Variants in PHF21A observed in about 807,000 individuals in gnomAD.
The protein encoded by PHF21A is PHD finger protein 21A, also known as BHC80a.
In PHF21A, 11 loss-of-function variants were observed where a neutral mutation model predicts 82.5. The observed-to-expected ratio is 0.13, with a 90% CI of 0.08 to 0.22. PHF21A has a LOEUF of 0.22. PHF21A is among the 10% of genes least tolerant of loss of function. PHF21A has a pLI of 1.00. For synonymous variants in PHF21A, 297 were observed against 302.8 expected (o/e 0.98, Z 0.20); for missense variants, 579 against 837.8 (o/e 0.69, Z 3.81).
chr11:45,945,974 C>T lies in PHF21A; in HGVS notation c.1318G>A (p.Gly440Arg), dbSNP rs1380439265. 5 of 1,613,640 alleles carry T rather than the reference C, an allele frequency of 3.1e-6. No individual in the cohort carries two copies. Among genetic ancestry groups the T allele is most frequent in the Non-Finnish European group, 4.2e-6 (5 of 1,179,872 alleles). Residue 440 changes from glycine to arginine, a missense_variant, in exon 15 of 19, where the codon GGG becomes AGG. Around this residue, in one of 3 missense-constraint regions of PHF21A, gnomAD observed 410 missense variants for 642.1 expected, o/e 0.64. Transcript: ENST00000676320. ...GATGTTGGGGTAAGGGCTCCAAACC[C>T]CAGCACTGCATTGTATTTTGGAGGA... The part of the protein sequence containing the change: ...GRPPKYNAVL[G>R]FGALTPTSPQ...
At chr11:46,035,935 AC>A (rs2095992640) in intron 6 of PHF21A, among the ~76,000 whole-genome samples, 1 of 152,204 alleles carries the variant, frequency 6.6e-6, no homozygotes, top group African/African-American at 2.4e-5. Context: ...GTTTTAAGCA[AC>A]CATTTAAATT....
At chr11:46,040,927 ACACACACG>A (rs755359839) in intron 6 of PHF21A, among the ~76,000 whole-genome samples, 21 of 123,036 alleles carry the variant, frequency 1.7e-4, no homozygotes, top group African/African-American at 4.7e-4. Flanking sequence ...ACACACACAC[ACACACACG>A]CACGCACAAT....
At chr11:46,100,593 C>A (rs1470104864) in intron 1 of PHF21A, among the ~76,000 whole-genome samples, 1 of 152,164 alleles carries the variant, frequency 6.6e-6, no homozygotes, top group African/African-American at 2.4e-5. Context: ...ATACTCCTTG[C>A]ACTAAATGAT....
intron 1 of PHF21A, chr11:46,117,384 T>C (rs1013060614): frequency 6.6e-6 from 1 of 152,224 alleles, no homozygotes; most frequent in African/African-American, 2.4e-5. Flanking sequence ...AGTAGCTATA[T>C]TCATCTTTAT....
chr11:46,076,992 C>A (rs1414726324), intron 5 of PHF21A, among the ~76,000 whole-genome samples, 173 bp from the exon 6 acceptor site: 3 of 152,220 alleles, frequency 2.0e-5, no homozygotes, highest in African/African-American at 7.2e-5. Context: ...ATGCACAGAT[C>A]CTAAATACAG....
At chr11:45,949,532 A>G (rs1565208885) in intron 12 of PHF21A, 51 bp from the exon 13 acceptor site, 1 of 1,413,834 alleles carries the variant, frequency 7.1e-7, no homozygotes, top group East Asian at 2.3e-5. Flanking sequence ...AGAACCTAAA[A>G]AACTTAACTT....
chr11:46,003,579 C>T (rs1329824739), intron 6 of PHF21A, among the ~76,000 whole-genome samples: 1 of 152,032 alleles, frequency 6.6e-6, no homozygotes, highest in East Asian at 1.9e-4. Flanking sequence ...TCACGAAGGG[C>T]AGAGTGAGAA....
At position 45,986,084 on chromosome 11, in the gene PHF21A, A is replaced by AAC. The variant is rs60179976; in HGVS notation, c.154-6120_154-6119dup. On this transcript the variant is annotated intron_variant, in intron 6 of 18. Transcript: ENST00000676320. ...TCTTTGGGGCTTATTCTTCCTTCAA[A>AAC]ACACACACACACACACACACACACA... Among the ~76,000 whole-genome samples, 229 of 132,276 alleles carry AAC rather than the reference A, an allele frequency of 1.7e-3. 4 individuals carry two copies. The highest frequency in any genetic ancestry group is 4.4e-3 in the African/African-American group (157 of 35,926). The allele number at this position is 132,276 out of a possible 152,430, so 86.8% of individuals were successfully genotyped here.
At chr11:46,083,689 T>A (rs2135241416) in intron 4 of PHF21A, 1 of 152,452 alleles carries the variant, frequency 6.6e-6, no homozygotes, top group South Asian at 2.1e-4. Context: ...TAGCTTTTTG[T>A]AAAATATAAG....
At chr11:46,080,970 A>G (rs10838559) in intron 4 of PHF21A, among the ~76,000 whole-genome samples, 22,487 of 152,076 alleles carry the variant, frequency 0.15, 3,481 homozygotes, top group East Asian at 0.62. Context: ...AGCTCTTGCT[A>G]CTATTCTAAC....
At chr11:45,993,174 C>T (rs1411335138) in intron 6 of PHF21A, among the ~76,000 whole-genome samples, 1 of 152,154 alleles carries the variant, frequency 6.6e-6, no homozygotes, top group Non-Finnish European at 1.5e-5. Flanking sequence ...ATGTTATAAA[C>T]ATACGACTAT....
chr11:46,095,695 C>T (rs950837689), intron 1 of PHF21A, among the ~76,000 whole-genome samples: 1 of 151,770 alleles, frequency 6.6e-6, no homozygotes, highest in Non-Finnish European at 1.5e-5. Context: ...TATTTAAATA[C>T]CTTTTGTAAA....
intron 9 of PHF21A, among the ~76,000 whole-genome samples, chr11:45,966,490 A>G (rs995395140): frequency 3.3e-5 from 5 of 152,332 alleles, no homozygotes; most frequent in Middle Eastern, 3.4e-3. Context: ...AAACAGTGAA[A>G]AAAAGTTACA....
chr11:45,958,417 A>AAAAAAAAAAAAAT (rs2092827892), intron 10 of PHF21A, among the ~76,000 whole-genome samples: 1 of 20,796 alleles, frequency 4.8e-5, no homozygotes, highest in Non-Finnish European at 1.0e-4. Context: ...AAAAAAAAAA[A>AAAAAAAAAAAAAT]AAATATATAT....
chr11:45,974,802 G>A (rs2093949906), intron 7 of PHF21A, among the ~76,000 whole-genome samples: 1 of 152,118 alleles, frequency 6.6e-6, no homozygotes, highest in Non-Finnish European at 1.5e-5. Context: ...CTAGTTAACA[G>A]TGTCTAAGTA....
At chr11:46,088,224 T>C (rs1593049950) in intron 3 of PHF21A, among the ~76,000 whole-genome samples, 2 of 152,192 alleles carry the variant, frequency 1.3e-5, no homozygotes, top group South Asian at 4.1e-4. Context: ...GCAAAGTGAA[T>C]ACCATCAGAC....
At position 46,073,178 on chromosome 11, in the gene PHF21A, A is replaced by G. The variant is rs1416755415; in HGVS notation, c.153+3576T>C. ...CCGGTCTCTACTAAAAATACAAAAA[A>G]TTGGCCAGGCGTGGTGGCGGGCGCC... On this transcript the variant is annotated intron_variant, in intron 6 of 18. Transcript: ENST00000676320. 5.3e-5 allele frequency among the ~76,000 whole-genome samples: 8 copies of G among 152,000 alleles called. No individual in the cohort carries two copies. The East Asian group carries it at 1.5e-3, about 29-fold the overall frequency.
Position 45,994,266 on chromosome 11 carries a change from CT to C in PHF21A, c.154-14301del, listed in dbSNP as rs1209352401. On this transcript the variant is annotated intron_variant, in intron 6 of 18. Transcript: ENST00000676320. ...TTAAAGTAAATCATAGCAAACTTTA[CT>C]TACCATCCACTAAAGCTGGATTTAA... Among the ~76,000 whole-genome samples, 9 of 152,200 alleles carry C rather than the reference CT, an allele frequency of 5.9e-5. No homozygotes were observed. In the East Asian group the frequency reaches 1.7e-3, roughly 29 times the overall value.
At chr11:46,120,077 C>T (rs1440469158) in intron 1 of PHF21A, among the ~76,000 whole-genome samples, 1 of 149,676 alleles carries the variant, frequency 6.7e-6, no homozygotes, top group African/African-American at 2.4e-5. Flanking sequence ...GAAGAATAAG[C>T]GGAATTTCCC....
Sources: allele counts gnomAD v4.1 joint callset (sites outside exome capture counted in the v4.1 genomes callset), GRCh38; gene constraint gnomAD v4.1.1; regional missense constraint gnomAD v4.1.1; transcripts MANE v1.5; gene names NCBI Gene and HGNC (gene_info 2026-07-23, HGNC 2026-07-21).